The following PDE2A variants were observed in gnomAD, a reference collection of about 807,000 sequenced individuals.
PDE2A encodes the protein phosphodiesterase 2A.
PDE2A carries 53 observed loss-of-function variants against 133.6 expected under a neutral mutation model. The observed-to-expected ratio is 0.40, with a 90% CI of 0.32 to 0.50. The LOEUF is 0.50. PDE2A is among the 20% of genes least tolerant of loss of function. The probability of loss-of-function intolerance (pLI) is 0.73; values close to 1 mark genes in which losing one functional copy is unlikely to be tolerated. For missense variants in PDE2A, 796 were observed against 1,232.4 expected, an observed-to-expected ratio of 0.65 and a Z score of 5.30; for synonymous variants, 491 against 490.2, an observed-to-expected ratio of 1.00 and a Z score of -0.02.
At chr11:72,667,774 G>A (rs188164864) in intron 1 of PDE2A, among the ~76,000 whole-genome samples, 89 of 151,938 alleles carry the variant, frequency 5.9e-4, no homozygotes, top group African/African-American at 2.1e-3. Context: ...ACTTTGGGAG[G>A]CCCAGGCAGG....
chr11:72,583,933 G>C (rs1027973792), intron 19 of PDE2A, among the ~76,000 whole-genome samples: 1 of 152,190 alleles, frequency 6.6e-6, no homozygotes. Flanking sequence ...TGCTTCCAGG[G>C]AAGAGAGGAG....
At chr11:72,659,174 A>G (rs1454045408) in intron 1 of PDE2A, among the ~76,000 whole-genome samples, 1 of 150,602 alleles carries the variant, frequency 6.6e-6, no homozygotes, top group African/African-American at 2.5e-5. Context: ...GTTGTGTCTG[A>G]CTCCCAAGTC....
Position 72,580,584 on chromosome 11 carries a change from A to T in PDE2A, c.2174T>A (p.Val725Asp). The change falls in exon 25 of 31, where the codon GTC (valine) becomes GAC (aspartate). Residue 725 changes from valine (V) to aspartate (D), a missense_variant. Transcript: ENST00000334456. Reference protein sequence around the residue: ...LAALYSSEGSVMERHHFAQAI... With the variant: ...LAALYSSEGSDMERHHFAQAI... ...GGGACAGAAGAGTGATACCTCCATG[A>T]CGGAGCCCTCAGAGCTGTAGAGCGC... 6.4e-7 allele frequency: 1 copy of T among 1,568,390 alleles called. No homozygotes were observed. The highest frequency in any genetic ancestry group is 8.7e-7 in the Non-Finnish European group (1 of 1,155,530).
chr11:72,655,422 T>C (rs1271904896), intron 1 of PDE2A, among the ~76,000 whole-genome samples: 1 of 150,404 alleles, frequency 6.6e-6, no homozygotes, highest in Admixed American at 6.6e-5. Flanking sequence ...CTCAAGAACC[T>C]GGCCCAGGTA....
At chr11:72,639,463 G>C (rs1023379758) in intron 2 of PDE2A, among the ~76,000 whole-genome samples, 2 of 152,194 alleles carry the variant, frequency 1.3e-5, no homozygotes, top group Non-Finnish European at 2.9e-5. Context: ...AGACTGCATG[G>C]CTGGCAAACT....
In PDE2A at chr11:72,589,809, AG is replaced by A; in HGVS notation, c.832-18del. ...TCCGATGACCTGAGGAACGGAGTGCAGGGGGCTGGTTAAAGGAAAGGCAATG... is the reference window on the plus strand; with the variant it reads ...TCCGATGACCTGAGGAACGGAGTGCAGGGGCTGGTTAAAGGAAAGGCAATG... On this transcript the variant is annotated intron_variant, in intron 10 of 30. Transcript: ENST00000334456. The A allele has an allele frequency of 6.2e-7, 1 of 1,613,356 alleles. No homozygotes were observed. The highest frequency in any genetic ancestry group is 8.5e-7 in the Non-Finnish European group (1 of 1,179,702).
intron 2 of PDE2A, among the ~76,000 whole-genome samples, chr11:72,628,688 T>G (rs1412329616): frequency 6.6e-6 from 1 of 152,204 alleles, no homozygotes; most frequent in Non-Finnish European, 1.5e-5. Flanking sequence ...GCTGGTTAAG[T>G]GACAGGCACA....
At chr11:72,582,955 C>A (rs542410051) in intron 20 of PDE2A, among the ~76,000 whole-genome samples, 2 of 152,306 alleles carry the variant, frequency 1.3e-5, no homozygotes. Context: ...GTCTGGGCCT[C>A]TCTGGTTTGG....
At chr11:72,618,683 A>T (rs1159458211) in intron 2 of PDE2A, among the ~76,000 whole-genome samples, 2 of 152,138 alleles carry the variant, frequency 1.3e-5, no homozygotes, top group Non-Finnish European at 2.9e-5. Context: ...GAGAAAGCCC[A>T]TCCAGTCTCA....
intron 4 of PDE2A, among the ~76,000 whole-genome samples, 189 bp downstream of exon 4, chr11:72,604,949 A>G: frequency 6.6e-6 from 1 of 152,242 alleles, no homozygotes; most frequent in Non-Finnish European, 1.5e-5. Context: ...CATTTCCCCA[A>G]GGAAGAGAAG....
At chr11:72,591,413 A>T in intron 6 of PDE2A, 57 bp from the exon 7 acceptor site, 1 of 1,387,934 alleles carries the variant, frequency 7.2e-7, no homozygotes. Context: ...TGTCTCTGCC[A>T]GAGTGCCCTC....
At chr11:72,667,146 TGTGA>T (rs1017040752) in intron 1 of PDE2A, among the ~76,000 whole-genome samples, 42 of 152,162 alleles carry the variant, frequency 2.8e-4, no homozygotes, top group African/African-American at 9.7e-4. Flanking sequence ...TGCTCACACA[TGTGA>T]GTATGTTCAC....
At chr11:72,653,227 G>C (rs944983344) in intron 1 of PDE2A, among the ~76,000 whole-genome samples, 1 of 152,180 alleles carries the variant, frequency 6.6e-6, no homozygotes, top group African/African-American at 2.4e-5. Flanking sequence ...GGGCTCTCGA[G>C]GGGAAGAAGG....
intron 1 of PDE2A, among the ~76,000 whole-genome samples, chr11:72,661,611 T>G (rs977887031): frequency 3.9e-5 from 6 of 152,172 alleles, no homozygotes; most frequent in South Asian, 4.1e-4. Context: ...TCCTAGAAGA[T>G]CTGAAGAATG....
In PDE2A at chr11:72,605,167, T is replaced by TG; in HGVS notation, c.293dup (p.His99ThrfsTer2). 1 of 1,610,894 alleles carries TG rather than the reference T, an allele frequency of 6.2e-7. No homozygotes were observed. Among genetic ancestry groups the TG allele is most frequent in the Non-Finnish European group, 8.5e-7 (1 of 1,178,174 alleles). On this transcript the variant is annotated frameshift_variant, in exon 4 of 31. Coordinates refer to ENST00000334456, the MANE Select transcript of PDE2A (RefSeq NM_002599.5). LOFTEE classifies it high-confidence loss of function. Reference sequence around the variant, plus strand: ...CTTTCCCCTCCTGGGGCAGCTCATGTGGGGGGTCCTCACACACCAGCTGGG... The same window carrying TG: ...CTTTCCCCTCCTGGGGCAGCTCATGTGGGGGGGTCCTCACACACCAGCTGGG...
chr11:72,618,845 C>T lies in PDE2A; in HGVS notation c.145-10094G>A, dbSNP rs577730659. Among the ~76,000 whole-genome samples, 3 of 139,158 alleles carry T rather than the reference C, an allele frequency of 2.2e-5. No individual in the cohort carries two copies. In the South Asian group the frequency reaches 7.0e-4, roughly 32 times the overall value. 91.3% of individuals were successfully genotyped at this position (139,158 alleles called of 152,430 possible). ...GTCAGTGGGGCCACAGGGGCTGAGGCAGGCTGTCATACAGCCCACCTCCCA... is the reference window on the plus strand; with the variant it reads ...GTCAGTGGGGCCACAGGGGCTGAGGTAGGCTGTCATACAGCCCACCTCCCA... On this transcript the variant is annotated intron_variant, in intron 2 of 30. Transcript: ENST00000334456.
At chr11:72,652,397 A>ACATGG (rs1854765278) in intron 1 of PDE2A, 1 of 427,938 alleles carries the variant, frequency 2.3e-6, no homozygotes, top group African/African-American at 2.0e-5. Context: ...CAGGTGCATG[A>ACATGG]CATGGCACCC....
rs2135285884 is a variant in PDE2A at position 72,584,567 on chromosome 11, G to T, written c.1521C>A (p.Ile507=). The change falls in exon 18 of 31, where the codon ATC becomes ATA. Residue 507 remains isoleucine (I), a synonymous_variant. Coordinates refer to ENST00000334456, the MANE Select transcript of PDE2A (RefSeq NM_002599.5). ...FRTRNILCFP[I]KNENQEVIGV... ...CACGCGCACCCTGGTTCTCGTTCTT[G>T]ATGGGGAAGCAGAGGATGTTGCGCG... is the stretch of plus-strand genomic sequence containing the variant. 6.2e-7 allele frequency: 1 copy of T among 1,611,414 alleles called. No homozygotes were observed. The highest frequency in any genetic ancestry group is 8.5e-7 in the Non-Finnish European group (1 of 1,179,612).
chr11:72,631,341 G>A (rs1858372130), intron 2 of PDE2A, among the ~76,000 whole-genome samples: 1 of 152,076 alleles, frequency 6.6e-6, no homozygotes, highest in Non-Finnish European at 1.5e-5. Context: ...CATATTCTCT[G>A]TTCCTTGACT....
Sources: allele counts gnomAD v4.1 joint callset (sites outside exome capture counted in the v4.1 genomes callset), GRCh38; gene constraint gnomAD v4.1.1; transcripts MANE v1.5; gene names NCBI Gene and HGNC (gene_info 2026-07-23, HGNC 2026-07-21).